Variants in FAM13C observed in about 807,000 individuals in gnomAD.
FAM13C encodes protein FAM13C.
A neutral mutation model predicts 73.2 loss-of-function variants in FAM13C; 37 were observed. The ratio of observed to expected loss-of-function variants is 0.51; its 90% CI spans 0.39 to 0.67. FAM13C has a LOEUF of 0.67. Ranked by LOEUF, FAM13C falls within the 30% of genes least tolerant of loss-of-function variation. The pLI is 0.00. For synonymous variants in FAM13C, 246 were observed against 260.9 expected (o/e 0.94, Z 0.55); for missense variants, 589 against 715.6 (o/e 0.82, Z 2.02).
intron 1 of FAM13C, among the ~76,000 whole-genome samples, chr10:59,360,595 T>C (rs1000461359): frequency 2.0e-5 from 3 of 152,140 alleles, no homozygotes; most frequent in East Asian, 3.9e-4. Context: ...GAAAATGTTA[T>C]TGTGGCAATG....
At chr10:59,356,740 T>C (rs1776490852) in intron 1 of FAM13C, among the ~76,000 whole-genome samples, 1 of 152,188 alleles carries the variant, frequency 6.6e-6, no homozygotes, top group African/African-American at 2.4e-5. Flanking sequence ...GATTGAAAGA[T>C]GCCAAGTGTC....
At chr10:59,264,191 G>A in intron 8 of FAM13C, 25 bp from the exon 9 acceptor site, 3 of 1,573,986 alleles carry the variant, frequency 1.9e-6, no homozygotes, top group Non-Finnish European at 2.6e-6. Flanking sequence ...AAAAAATGGG[G>A]GTGGAAGGGA....
At chr10:59,298,110 T>A (rs958231690) in intron 5 of FAM13C, among the ~76,000 whole-genome samples, 32 of 152,214 alleles carry the variant, frequency 2.1e-4, no homozygotes, top group African/African-American at 7.5e-4. Context: ...CATTAACCCA[T>A]GAGAAGATTG....
At chr10:59,294,965 C>T (rs1846720229) in intron 5 of FAM13C, among the ~76,000 whole-genome samples, 1 of 152,194 alleles carries the variant, frequency 6.6e-6, no homozygotes, top group Non-Finnish European at 1.5e-5. Flanking sequence ...AATTACTTAT[C>T]TTCTGAGAAT....
chr10:59,321,116 C>T (rs565497779), intron 4 of FAM13C, among the ~76,000 whole-genome samples: 5 of 152,276 alleles, frequency 3.3e-5, no homozygotes, highest in South Asian at 4.1e-4. Context: ...TCATCATTGT[C>T]GCTCCTCTGC....
At chr10:59,341,861 T>C (rs113060038) in intron 3 of FAM13C, among the ~76,000 whole-genome samples, 49 of 152,310 alleles carry the variant, frequency 3.2e-4, no homozygotes, top group African/African-American at 1.1e-3. Context: ...CAGTTACCTG[T>C]GCCTAGAGGT....
At position 59,362,547 on chromosome 10, in the gene FAM13C, T is replaced by G; in HGVS notation, c.-87A>C. The G allele has an allele frequency of 6.4e-7, 1 of 1,564,508 alleles. No homozygotes were observed. The highest frequency in any genetic ancestry group is 8.7e-7 in the Non-Finnish European group (1 of 1,154,094). On this transcript the variant is annotated 5_prime_UTR_variant, in exon 1 of 14. Transcript: ENST00000618804. ...CAAACATGGCATTGCAAGGCAAGTC[T>G]CCGGGCTCGCCCGGCACGCTCGCTC...
rs538494950 is a variant in FAM13C, at chr10:59,328,360, A to T, written c.325-4254T>A. ...TGGTGAAATATGATATTTTGTTCTC[A>T]TTGCAATTTTAGTGAGTTCAGCTGA... On this transcript the variant is annotated intron_variant, in intron 3 of 13. Transcript: ENST00000618804. Among the ~76,000 whole-genome samples the T allele has an allele frequency of 2.8e-4, 43 of 152,300 alleles. 1 individual carries two copies. Among genetic ancestry groups the T allele is most frequent in the Admixed American group, 2.7e-3 (42 of 15,282 alleles).
chr10:59,299,467 T>C (rs1223742769), intron 5 of FAM13C, among the ~76,000 whole-genome samples: 2 of 151,506 alleles, frequency 1.3e-5, no homozygotes, highest in African/African-American at 2.4e-5. Context: ...CTCTTTCATA[T>C]ATAGTCTGGG....
Position 59,246,521 on chromosome 10 carries a change from G to A in FAM13C, c.*1093C>T, listed in dbSNP as rs529635532. ...AAATACAAACAAGGTTGGTACATGA[G>A]AGAAAATGTTGACCTTTTACTTCCT... On this transcript the variant is annotated 3_prime_UTR_variant, in exon 14 of 14. Transcript: ENST00000618804. 190 of 392,098 alleles carry A rather than the reference G, an allele frequency of 4.8e-4. No homozygotes were observed. The highest frequency in any genetic ancestry group is 3.6e-3 in the African/African-American group (173 of 48,616). The allele number at this position is 392,098 out of a possible 1,614,324, so 24.3% of individuals were successfully genotyped here. A position where few individuals can be genotyped will look rare whatever the true frequency, so the allele number is the denominator to read the frequency against.
intron 1 of FAM13C, chr10:59,361,000 G>A (rs1490794105): frequency 2.0e-5 from 26 of 1,287,878 alleles, no homozygotes; most frequent in Non-Finnish European, 2.6e-5. Flanking sequence ...AGTACTTTAA[G>A]CACAGCAAAG....
At chr10:59,324,508 TCACACACA>T (rs140864889) in intron 3 of FAM13C, among the ~76,000 whole-genome samples, 2 of 148,942 alleles carry the variant, frequency 1.3e-5, no homozygotes, top group Admixed American at 6.7e-5. Context: ...TCACACATAC[TCACACACA>T]CACACACACA....
At chr10:59,343,315 G>C (rs1304434963) in intron 3 of FAM13C, among the ~76,000 whole-genome samples, 6 of 152,090 alleles carry the variant, frequency 3.9e-5, no homozygotes, top group African/African-American at 1.4e-4. Flanking sequence ...TATATCCTTT[G>C]GTGATACTTA....
intron 5 of FAM13C, among the ~76,000 whole-genome samples, chr10:59,300,547 G>T (rs1847478334): frequency 6.6e-6 from 1 of 152,150 alleles, no homozygotes; most frequent in Non-Finnish European, 1.5e-5. Flanking sequence ...GCATACTCCT[G>T]TAAAAAGTCA....
At position 59,353,452 on chromosome 10, in the gene FAM13C, C is replaced by T. The variant is rs191967415; in HGVS notation, c.120-978G>A. Among the ~76,000 whole-genome samples the T allele has an allele frequency of 2.0e-3, 311 of 152,216 alleles. 5 individuals are homozygous for T. Among genetic ancestry groups the T allele is most frequent in the African/African-American group, 7.1e-3 (293 of 41,552 alleles). ...GAACATGAAATGCATGAGAAGTGGCCGCTTCCTTCAGGTGTTGTTTTTCCC... is the reference window on the plus strand; with the variant it reads ...GAACATGAAATGCATGAGAAGTGGCTGCTTCCTTCAGGTGTTGTTTTTCCC... On this transcript the variant is annotated intron_variant, in intron 2 of 13. Coordinates refer to ENST00000618804, the MANE Select transcript of FAM13C (RefSeq NM_198215.4).
intron 8 of FAM13C, among the ~76,000 whole-genome samples, chr10:59,266,008 T>C (rs1423811015): frequency 6.6e-6 from 1 of 152,200 alleles, no homozygotes; most frequent in Non-Finnish European, 1.5e-5. Context: ...TTGTATGAGA[T>C]TTGTGATCTG....
chr10:59,300,333 C>T (rs1337774380), intron 5 of FAM13C, among the ~76,000 whole-genome samples: 1 of 152,166 alleles, frequency 6.6e-6, no homozygotes, highest in Non-Finnish European at 1.5e-5. Context: ...ACTTTTGGAC[C>T]ATGATTCTCA....
intron 4 of FAM13C, among the ~76,000 whole-genome samples, chr10:59,316,929 T>A (rs1849598270): frequency 6.6e-6 from 1 of 152,206 alleles, no homozygotes; most frequent in South Asian, 2.1e-4. Flanking sequence ...TACAGCAATG[T>A]ATAATATAAT....
chr10:59,324,336 G>T (rs1322363766), intron 3 of FAM13C, among the ~76,000 whole-genome samples: 5 of 151,948 alleles, frequency 3.3e-5, no homozygotes, highest in Non-Finnish European at 7.4e-5. Flanking sequence ...TAAATCTTAT[G>T]TCCAAAAGAT....
Sources: gnomAD v4.1 joint callset for allele counts (sites outside exome capture counted in the v4.1 genomes callset) on GRCh38, gnomAD v4.1.1 for gene constraint, MANE v1.5 for transcripts, NCBI Gene and HGNC (gene_info 2026-07-23, HGNC 2026-07-21) for gene names.